Variants in STON2 observed in about 807,000 individuals in gnomAD.
STON2 encodes the protein stonin-2.
In STON2, 29 loss-of-function variants were observed where a neutral mutation model predicts 65.7. That is an observed-to-expected ratio of 0.44 (90% CI 0.33 to 0.60). The LOEUF (loss-of-function observed/expected upper bound fraction) is 0.60. Ranked by LOEUF, STON2 falls within the 20% of genes least tolerant of loss-of-function variation. The probability of loss-of-function intolerance (pLI) is 0.03; values close to 1 mark genes in which losing one functional copy is unlikely to be tolerated. For missense variants in STON2, 1,054 were observed against 1,118.1 expected, an observed-to-expected ratio of 0.94 and a Z score of 0.82; for synonymous variants, 404 against 414.2, an observed-to-expected ratio of 0.98 and a Z score of 0.30.
Position 81,267,481 on chromosome 14 carries a change from G to T in STON2, c.*933C>A. The T allele has an allele frequency of 2.0e-6, 2 of 985,202 alleles. No individual in the cohort carries two copies. Among genetic ancestry groups the T allele is most frequent in the Non-Finnish European group, 2.4e-6 (2 of 829,824 alleles). 61.0% of individuals were successfully genotyped at this position (985,202 alleles called of 1,614,324 possible). A position where few individuals can be genotyped will look rare whatever the true frequency, so the allele number is the denominator to read the frequency against. The stretch of plus-strand genomic sequence containing the variant: ...ACATGCAACTGTCTATTGGTCATGA[G>T]GTATAAAAAGAACTCCCAAATGCCC... On this transcript the variant is annotated 3_prime_UTR_variant, in exon 8 of 8. Coordinates refer to ENST00000614646, the MANE Select transcript of STON2 (RefSeq NM_001394390.1).
chr14:81,309,104 G>C (rs952651359), intron 5 of STON2, among the ~76,000 whole-genome samples: 18 of 148,452 alleles, frequency 1.2e-4, no homozygotes, highest in South Asian at 8.5e-4. Context: ...AAAAAAACTC[G>C]TTATTTTGAC....
At position 81,267,145 on chromosome 14, in the gene STON2, C is replaced by A; in HGVS notation, c.*1269G>T. 5 of 985,036 alleles carry A rather than the reference C, an allele frequency of 5.1e-6. No individual in the cohort carries two copies. The highest frequency in any genetic ancestry group is 6.0e-6 in the Non-Finnish European group (5 of 829,876). The allele number at this position is 985,036 out of a possible 1,614,324, so 61.0% of individuals were successfully genotyped here. A position where few individuals can be genotyped will look rare whatever the true frequency, so the allele number is the denominator to read the frequency against. On this transcript the variant is annotated 3_prime_UTR_variant, in exon 8 of 8. Coordinates refer to ENST00000614646, the MANE Select transcript of STON2 (RefSeq NM_001394390.1). ...CTTGTATTCTTCATGGGAGAAAACA[C>A]TAAGATACAAATAAGAAGCAGAGGT...
At chr14:81,373,964 C>T (rs1899126175) in intron 3 of STON2, among the ~76,000 whole-genome samples, 1 of 135,756 alleles carries the variant, frequency 7.4e-6, no homozygotes, top group South Asian at 2.5e-4. Context: ...TTAGTAGCCT[C>T]ATGTATCTAG....
intron 3 of STON2, among the ~76,000 whole-genome samples, chr14:81,387,512 G>A (rs1899870326): frequency 6.6e-6 from 1 of 152,112 alleles, no homozygotes; most frequent in Non-Finnish European, 1.5e-5. Context: ...GATTCAAGGG[G>A]TATGATTCCA....
intron 4 of STON2, among the ~76,000 whole-genome samples, chr14:81,353,546 G>T (rs965056987): frequency 6.6e-6 from 1 of 152,168 alleles, no homozygotes; most frequent in Non-Finnish European, 1.5e-5. Flanking sequence ...GAAAGGGTAA[G>T]AGAAATAGAC....
chr14:81,394,078 C>A (rs557282681), intron 3 of STON2, among the ~76,000 whole-genome samples: 1 of 152,108 alleles, frequency 6.6e-6, no homozygotes, highest in Non-Finnish European at 1.5e-5. Flanking sequence ...GTAATCCCAG[C>A]TACTCAGGAG....
chr14:81,269,506 C>T (rs1566878830), intron 7 of STON2: 1 of 985,410 alleles, frequency 1.0e-6, no homozygotes, highest in East Asian at 1.1e-4. Context: ...CAGGTTGCTC[C>T]TCTCAGCACC....
chr14:81,344,184 T>G (rs146953941), intron 4 of STON2, among the ~76,000 whole-genome samples: 127 of 152,322 alleles, frequency 8.3e-4, no homozygotes, highest in African/African-American at 3.0e-3. Context: ...CCCCGTAAGA[T>G]ATTTCATTTT....
intron 6 of STON2, among the ~76,000 whole-genome samples, chr14:81,274,230 TG>T (rs1566881422): frequency 6.6e-6 from 1 of 152,126 alleles, no homozygotes; most frequent in African/African-American, 2.4e-5. Context: ...GTTTCACTAT[TG>T]AAAATATTGT....
intron 5 of STON2, among the ~76,000 whole-genome samples, chr14:81,292,131 T>C (rs958907579): frequency 2.0e-5 from 3 of 152,240 alleles, no homozygotes; most frequent in Non-Finnish European, 2.9e-5. Context: ...TTCAGCTAAA[T>C]GTCGACTTTA....
At chr14:81,346,235 G>C (rs1897805402) in intron 4 of STON2, among the ~76,000 whole-genome samples, 1 of 152,140 alleles carries the variant, frequency 6.6e-6, no homozygotes, top group African/African-American at 2.4e-5. Context: ...TCCAGGACCT[G>C]AGTAATTTGA....
intron 2 of STON2, among the ~76,000 whole-genome samples, chr14:81,426,299 A>C (rs1244896311): frequency 6.6e-6 from 1 of 152,224 alleles, no homozygotes. Flanking sequence ...CAATGGGTCC[A>C]TACCTCATTT....
intron 4 of STON2, among the ~76,000 whole-genome samples, chr14:81,334,066 C>A (rs548912650): frequency 6.6e-6 from 1 of 152,274 alleles, no homozygotes; most frequent in East Asian, 1.9e-4. Flanking sequence ...TAAGCAAACC[C>A]AGTGAGAATG....
chr14:81,302,934 T>G (rs1199655753), intron 5 of STON2, among the ~76,000 whole-genome samples: 1 of 152,230 alleles, frequency 6.6e-6, no homozygotes, highest in Non-Finnish European at 1.5e-5. Context: ...TGTAAGGCAC[T>G]GCCATCTATA....
chr14:81,431,506 C>T (rs1407402919), intron 1 of STON2, among the ~76,000 whole-genome samples: 2 of 152,032 alleles, frequency 1.3e-5, no homozygotes, highest in East Asian at 1.9e-4. Context: ...TGGCCAGGCA[C>T]GGTGGCTCAC....
intron 1 of STON2, among the ~76,000 whole-genome samples, chr14:81,434,287 G>C (rs1902325464): frequency 6.6e-6 from 1 of 152,180 alleles, no homozygotes; most frequent in African/African-American, 2.4e-5. Context: ...GATCTCACGA[G>C]GTGGGAGTCT....
chr14:81,281,053 G>A (rs1213550721), intron 5 of STON2, among the ~76,000 whole-genome samples: 2 of 151,024 alleles, frequency 1.3e-5, no homozygotes, highest in East Asian at 3.9e-4. Context: ...GTAGGCTGTA[G>A]GCTAAACACG....
chr14:81,387,163 G>GC (rs1460224646), intron 3 of STON2, among the ~76,000 whole-genome samples: 2 of 134,944 alleles, frequency 1.5e-5, no homozygotes, highest in East Asian at 5.0e-4. Flanking sequence ...CCAGAAGGTT[G>GC]TTTTTTTTTT....
intron 3 of STON2, among the ~76,000 whole-genome samples, chr14:81,377,843 A>ATT (rs1223382142): frequency 6.8e-6 from 1 of 147,808 alleles, no homozygotes; most frequent in Admixed American, 6.7e-5. Context: ...TCTTTAGCTC[A>ATT]TTTTTTTGTT....
Sources: gnomAD v4.1 joint callset for allele counts (sites outside exome capture counted in the v4.1 genomes callset) on GRCh38, gnomAD v4.1.1 for gene constraint, MANE v1.5 for transcripts, NCBI Gene and HGNC (gene_info 2026-07-23, HGNC 2026-07-21) for gene names.